Variants in MSANTD5 observed in about 807,000 individuals in gnomAD.
The protein encoded by MSANTD5 is Myb/SANT DNA binding domain containing 5, also known as uncharacterized protein MSANTD5.
chr5:178,702,722 C>T, the MSANTD5 span, among the ~76,000 whole-genome samples: 13 of 152,054 alleles, frequency 8.5e-5, no homozygotes, highest in African/African-American at 2.4e-4. Context: ...CTCAGCCTCC[C>T]GAGTAGCTGG....
At chr5:178,700,402 A>G (rs935480115), upstream of MSANTD5, among the ~76,000 whole-genome samples, 1 of 152,168 alleles carries the variant, frequency 6.6e-6, no homozygotes, top group African/African-American at 2.4e-5. Context: ...AAATTTAGTT[A>G]TCCTGGGCTG....
chr5:178,691,766 A>C (rs1205567533), downstream of MSANTD5, among the ~76,000 whole-genome samples: 1 of 137,376 alleles, frequency 7.3e-6, no homozygotes. Context: ...GAGGATATGC[A>C]GATGGCAAAT....
chr5:178,698,619 G>A (rs1035226586), upstream of MSANTD5, among the ~76,000 whole-genome samples: 1 of 152,080 alleles, frequency 6.6e-6, no homozygotes, highest in African/African-American at 2.4e-5. Context: ...TTGCTCTGCT[G>A]CCCAGGCTGG....
downstream of MSANTD5, among the ~76,000 whole-genome samples, chr5:178,691,794 C>T (rs184040678): frequency 5.1e-5 from 7 of 136,720 alleles, 2 homozygotes; most frequent in East Asian, 5.8e-4. Context: ...CAACATGCTC[C>T]GTATCATCAG....
At chr5:178,700,571 G>T (rs988295629), upstream of MSANTD5, among the ~76,000 whole-genome samples, 6 of 97,424 alleles carry the variant, frequency 6.2e-5, no homozygotes, top group Non-Finnish European at 1.2e-4. Flanking sequence ...TGGGAGATTA[G>T]ATTAGATTAG....
At chr5:178,692,908 T>C (rs904946428), downstream of MSANTD5, among the ~76,000 whole-genome samples, 3 of 151,946 alleles carry the variant, frequency 2.0e-5, no homozygotes, top group Non-Finnish European at 2.9e-5. Flanking sequence ...CTGTTACAGC[T>C]GGGGGGACCC....
intron 1 of MSANTD5, among the ~76,000 whole-genome samples, chr5:178,696,851 T>C (rs2113853923): frequency 6.6e-6 from 1 of 152,008 alleles, no homozygotes; most frequent in South Asian, 2.1e-4. Context: ...GGAAGTCCCC[T>C]GTCCAAGCAG....
intron 2 of MSANTD5, among the ~76,000 whole-genome samples, 166 bp from the exon 3 acceptor site, chr5:178,695,764 C>T (rs1765406130): frequency 6.6e-6 from 1 of 152,186 alleles, no homozygotes; most frequent in African/African-American, 2.4e-5. Context: ...GTCCTGACGC[C>T]TGACACATCC....
chr5:178,702,424 C>T (rs1765498997), upstream of MSANTD5, among the ~76,000 whole-genome samples: 1 of 151,544 alleles, frequency 6.6e-6, no homozygotes, highest in Non-Finnish European at 1.5e-5. Context: ...CCTCAGCCTC[C>T]CAAATAACTG....
chr5:178,704,500 T>C, the MSANTD5 span, among the ~76,000 whole-genome samples: 1 of 152,210 alleles, frequency 6.6e-6, no homozygotes, highest in Non-Finnish European at 1.5e-5. Flanking sequence ...CCTCTTGGAC[T>C]TCCCAACCTC....
downstream of MSANTD5, among the ~76,000 whole-genome samples, chr5:178,692,379 C>CAAA (rs60186176): frequency 1.7e-5 from 2 of 118,658 alleles, no homozygotes; most frequent in Non-Finnish European, 3.6e-5. Flanking sequence ...GACTCCATCT[C>CAAA]AAAAAAAAAA....
chr5:178,704,706 T>G, the MSANTD5 span, among the ~76,000 whole-genome samples: 130 of 152,324 alleles, frequency 8.5e-4, no homozygotes, highest in Admixed American at 1.7e-3. Flanking sequence ...AAGTGTCCCC[T>G]GAGCTACGGA....
chr5:178,694,302 T>C, downstream of MSANTD5, among the ~76,000 whole-genome samples: 1 of 118,194 alleles, frequency 8.5e-6, no homozygotes, highest in African/African-American at 3.5e-5. Flanking sequence ...GGCAACCAAG[T>C]GAGACTCCAT....
intron 3 of MSANTD5, 102 bp from the exon 4 acceptor site, chr5:178,695,049 T>G (rs1765396383): frequency 6.6e-6 from 1 of 152,236 alleles, no homozygotes; most frequent in Non-Finnish European, 1.5e-5. Context: ...ATGTCCATTC[T>G]GAACAAGTCC....
chr5:178,705,695 G>A, the MSANTD5 span, among the ~76,000 whole-genome samples: 1 of 152,058 alleles, frequency 6.6e-6, no homozygotes, highest in African/African-American at 2.4e-5. Flanking sequence ...GGTGGCTCAC[G>A]TCTGTAATCC....
upstream of MSANTD5, among the ~76,000 whole-genome samples, chr5:178,698,035 CT>C (rs2113855206): frequency 6.6e-6 from 1 of 152,112 alleles, no homozygotes; most frequent in East Asian, 1.9e-4. Flanking sequence ...CCCCTTCCCC[CT>C]GAGTTCGTGC....
exon 4 of MSANTD5, chr5:178,694,848 G>A (rs1260407049): frequency 6.6e-6 from 1 of 152,256 alleles, no homozygotes; most frequent in Non-Finnish European, 1.5e-5. Context: ...GATCACAGGT[G>A]TTGGGGCCCA....
chr5:178,702,718 C>T, the MSANTD5 span, among the ~76,000 whole-genome samples: 1 of 152,034 alleles, frequency 6.6e-6, no homozygotes, highest in African/African-American at 2.4e-5. Flanking sequence ...CTGCCTCAGC[C>T]TCCCGAGTAG....
At chr5:178,703,916 C>T in the MSANTD5 span, among the ~76,000 whole-genome samples, 6 of 149,336 alleles carry the variant, frequency 4.0e-5, no homozygotes, top group Non-Finnish European at 7.4e-5. Flanking sequence ...AGGAGGCAGA[C>T]GTTGCAGTGA....
Sources: allele counts gnomAD v4.1 joint callset (sites outside exome capture counted in the v4.1 genomes callset), GRCh38; gene constraint gnomAD v4.1.1; transcripts MANE v1.5; gene names NCBI Gene and HGNC (gene_info 2026-07-23, HGNC 2026-07-21).